Variants in ZNF775 observed in about 807,000 individuals in gnomAD.
ZNF775 encodes zinc finger protein 775.
In ZNF775, 1 loss-of-function variant was observed where a neutral mutation model predicts 2.4. The ratio of observed to expected loss-of-function variants is 0.41; its 90% CI spans 0.15 to 1.94. The LOEUF is 1.94. Among genes scored for constraint, ZNF775 ranks in the 30% most tolerant of loss-of-function variants. The probability of loss-of-function intolerance (pLI) is 0.30; values close to 1 mark genes in which losing one functional copy is unlikely to be tolerated. For synonymous variants in ZNF775, 381 were observed against 373.3 expected (o/e 1.02, Z -0.24); for missense variants, 823 against 826.6 (o/e 1.00, Z 0.05).
In ZNF775 at chr7:150,397,663, C is replaced by T. The variant is rs2116482326; in HGVS notation, c.1182C>T (p.Ala394=). 7.6e-7 allele frequency: 1 copy of T among 1,323,582 alleles called. No homozygotes were observed. The highest frequency in any genetic ancestry group is 1.6e-5 in the African/African-American group (1 of 63,284). 82.0% of individuals were successfully genotyped at this position (1,323,582 alleles called of 1,614,324 possible). ...HQRAHAVAEP[A]VPAGEPGDQP... is the part of the protein sequence containing the mutation. ...GCGCCCACGCTGTCGCTGAGCCCGC[C>T]GTTCCGGCCGGGGAACCGGGCGACC... The change falls in exon 3 of 3, where the codon GCC becomes GCT. Residue 394 remains alanine, a synonymous_variant. Transcript: ENST00000329630.
intron 1 of ZNF775, 34 bp downstream of exon 1, chr7:150,379,426 C>T (rs2129620680): frequency 6.6e-6 from 1 of 152,288 alleles, no homozygotes; most frequent in East Asian, 1.9e-4. Context: ...CTCCGAGTCC[C>T]TCTGCATTTT....
At chr7:150,393,705 G>A (rs181399424) in intron 2 of ZNF775, among the ~76,000 whole-genome samples, 6 of 152,216 alleles carry the variant, frequency 3.9e-5, no homozygotes, top group African/African-American at 7.2e-5. Context: ...TTTTGCTCTC[G>A]TTGCCCAGGC....
At chr7:150,391,993 C>T (rs149897321) in intron 2 of ZNF775, among the ~76,000 whole-genome samples, 4 of 152,246 alleles carry the variant, frequency 2.6e-5, no homozygotes, top group East Asian at 1.9e-4. Flanking sequence ...GGATTACTGA[C>T]GTGAACCACT....
chr7:150,395,236 A>G (rs1051026413), intron 2 of ZNF775, among the ~76,000 whole-genome samples: 2 of 152,180 alleles, frequency 1.3e-5, no homozygotes, highest in African/African-American at 2.4e-5. Flanking sequence ...TATAAAGTCC[A>G]TATTTGGGGA....
rs1439587320 is a variant in ZNF775, at chr7:150,397,813, C to T, written c.1332C>T (p.Arg444=). Residue 444 remains arginine (R), a synonymous_variant, in exon 3 of 3, where the codon CGC becomes CGT. Coordinates refer to ENST00000329630, the MANE Select transcript of ZNF775 (RefSeq NM_173680.4). ...QAGLAGPGEP[R]QFICNECGKS... ...GCCTCGCTGGGCCTGGCGAGCCGCG[C>T]CAGTTCATCTGCAACGAGTGCGGCA... is the stretch of plus-strand genomic sequence containing the variant. 2 of 1,589,978 alleles carry T rather than the reference C, an allele frequency of 1.3e-6. No individual in the cohort carries two copies. The highest frequency in any genetic ancestry group is 1.7e-6 in the Non-Finnish European group (2 of 1,172,550).
rs1800698122 is a variant in ZNF775 at position 150,397,605 on chromosome 7, G to A, written c.1124G>A (p.Cys375Tyr). 2 of 1,438,088 alleles carry A rather than the reference G, an allele frequency of 1.4e-6. No individual in the cohort carries two copies. Among genetic ancestry groups the A allele is most frequent in the Admixed American group, 5.9e-5 (2 of 33,884 alleles). 89.1% of individuals were successfully genotyped at this position (1,438,088 alleles called of 1,614,324 possible). The change falls in exon 3 of 3, where the codon TGC (cysteine) becomes TAC (tyrosine). Residue 375 changes from cysteine to tyrosine, a missense_variant. Coordinates refer to ENST00000329630, the MANE Select transcript of ZNF775 (RefSeq NM_173680.4). ...AAPCPSCGKS[C>Y]RSRAALRAHQ... is the part of the protein sequence containing the mutation. ...CCCTGCCCCAGCTGCGGTAAGAGCTGCCGCAGCCGCGCCGCGCTGCGCGCC... is the reference window on the plus strand; with the variant it reads ...CCCTGCCCCAGCTGCGGTAAGAGCTACCGCAGCCGCGCCGCGCTGCGCGCC...
intron 2 of ZNF775, among the ~76,000 whole-genome samples, chr7:150,391,464 C>T (rs192806808): frequency 3.2e-4 from 49 of 152,080 alleles, no homozygotes; most frequent in African/African-American, 1.1e-3. Context: ...GCCAAGATCG[C>T]GCCATTGCAT....
In ZNF775 at chr7:150,396,836, T is replaced by C; in HGVS notation, c.355T>C (p.Trp119Arg). The change falls in exon 3 of 3, where the codon TGG (tryptophan) becomes CGG (arginine). Residue 119 changes from tryptophan (W) to arginine (R), a missense_variant. Transcript: ENST00000329630. ...GGACTGCGGGAAGAGGTTCAGCTGG[T>C]GGTCGTCCCTGAAGATCCACCAGCG... is the stretch of plus-strand genomic sequence containing the variant. Reference protein sequence around the residue: ...CLDCGKRFSWWSSLKIHQRTH... With the variant: ...CLDCGKRFSWRSSLKIHQRTH... 6.2e-7 allele frequency: 1 copy of C among 1,601,994 alleles called. No individual in the cohort carries two copies. Among genetic ancestry groups the C allele is most frequent in the Non-Finnish European group, 8.5e-7 (1 of 1,178,860 alleles).
chr7:150,387,662 A>G (rs1265889551), intron 1 of ZNF775, among the ~76,000 whole-genome samples: 1 of 152,116 alleles, frequency 6.6e-6, no homozygotes, highest in East Asian at 1.9e-4. Flanking sequence ...AAATACAAAA[A>G]AATAGCCAGG....
chr7:150,396,156 G>A (rs938975541), intron 2 of ZNF775, among the ~76,000 whole-genome samples: 3 of 152,144 alleles, frequency 2.0e-5, no homozygotes, highest in African/African-American at 7.2e-5. Context: ...AACCTTCTCT[G>A]CATCTCCTCG....
At position 150,397,528 on chromosome 7, in the gene ZNF775, G is replaced by C. The variant is rs937271875; in HGVS notation, c.1047G>C (p.Lys349Asn). ...ACTGTGGCCGCGGCTTCCGCCAGAA[G>C]CAGCACCTGCTCAAGCACCTGCGCA... ...CPHCGRGFRQ[K>N]QHLLKHLRTH... Residue 349 changes from lysine to asparagine, a missense_variant, in exon 3 of 3, where the codon AAG (lysine) becomes AAC (asparagine). Coordinates refer to ENST00000329630, the MANE Select transcript of ZNF775 (RefSeq NM_173680.4). 1 of 1,559,918 alleles carries C rather than the reference G, an allele frequency of 6.4e-7. No individual in the cohort carries two copies. Among genetic ancestry groups the C allele is most frequent in the African/African-American group, 1.4e-5 (1 of 73,292 alleles).
chr7:150,383,036 A>T (rs1800389913), intron 1 of ZNF775, among the ~76,000 whole-genome samples: 1 of 152,190 alleles, frequency 6.6e-6, no homozygotes, highest in Non-Finnish European at 1.5e-5. Flanking sequence ...AGTTTTAAAA[A>T]ATATCTCACA....
chr7:150,381,298 G>A (rs1478993642), intron 1 of ZNF775, among the ~76,000 whole-genome samples: 1 of 152,130 alleles, frequency 6.6e-6, no homozygotes, highest in East Asian at 1.9e-4. Flanking sequence ...GGTTGAATTG[G>A]GGACCTCTGG....
rs1800670413 is a variant in ZNF775, at chr7:150,396,928, C to G, written c.447C>G (p.Asn149Lys). The change falls in exon 3 of 3, where the codon AAC (asparagine) becomes AAG (lysine). Residue 149 changes from asparagine to lysine, a missense_variant. Coordinates refer to ENST00000329630, the MANE Select transcript of ZNF775 (RefSeq NM_173680.4). ...GCAAGAGCTTCAGCCAGAAGCCGAA[C>G]CTGGCGCGCCACCAGCGGCACCACA... Reference protein sequence around the residue: ...KCGKSFSQKPNLARHQRHHTG... With the variant: ...KCGKSFSQKPKLARHQRHHTG... 1 of 1,601,770 alleles carries G rather than the reference C, an allele frequency of 6.2e-7. No individual in the cohort carries two copies. The highest frequency in any genetic ancestry group is 8.5e-7 in the Non-Finnish European group (1 of 1,179,654).
chr7:150,396,367 T>C (rs551088915), intron 2 of ZNF775, 146 bp from the exon 3 acceptor site: 3 of 995,982 alleles, frequency 3.0e-6, no homozygotes, highest in Non-Finnish European at 4.2e-6. Context: ...TTTAAAAATC[T>C]TTCCCTTCTG....
intron 1 of ZNF775, among the ~76,000 whole-genome samples, chr7:150,386,694 T>G (rs1225478126): frequency 6.6e-6 from 1 of 152,098 alleles, no homozygotes; most frequent in Non-Finnish European, 1.5e-5. Context: ...CAGCCACATC[T>G]TTGCTCTGCT....
At chr7:150,395,976 C>G (rs773380741) in intron 2 of ZNF775, among the ~76,000 whole-genome samples, 1 of 152,024 alleles carries the variant, frequency 6.6e-6, no homozygotes, top group African/African-American at 2.4e-5. Context: ...ATAGACGGTG[C>G]TGCAGTGACC....
chr7:150,390,880 C>G (rs1800548347), intron 2 of ZNF775, among the ~76,000 whole-genome samples: 1 of 152,208 alleles, frequency 6.6e-6, no homozygotes, highest in South Asian at 2.1e-4. Context: ...TCAGATCGTC[C>G]TCCACAAATT....
At chr7:150,393,664 T>A (rs1414822148) in intron 2 of ZNF775, among the ~76,000 whole-genome samples, 1 of 152,164 alleles carries the variant, frequency 6.6e-6, no homozygotes, top group African/African-American at 2.4e-5. Flanking sequence ...TCTCATTTAT[T>A]TTATTTTATT....
Sources: gnomAD v4.1 joint callset for allele counts (sites outside exome capture counted in the v4.1 genomes callset) on GRCh38, gnomAD v4.1.1 for gene constraint, MANE v1.5 for transcripts, NCBI Gene and HGNC (gene_info 2026-07-23, HGNC 2026-07-21) for gene names.